Variants in TANGO6 observed in about 807,000 individuals in gnomAD.
The protein encoded by TANGO6 is transport and golgi organization 6 homolog.
Under a neutral mutation model 114.2 loss-of-function variants are expected in TANGO6, and 90 were observed. The ratio of observed to expected loss-of-function variants is 0.79; its 90% CI spans 0.66 to 0.94. The LOEUF is 0.94. Ranked by LOEUF, TANGO6 falls within the 40% of genes least tolerant of loss-of-function variation. The pLI, the probability that TANGO6 is intolerant of heterozygous loss-of-function variation, is 0.00. For synonymous variants in TANGO6, 477 were observed against 509.8 expected (o/e 0.94, Z 0.87); for missense variants, 1,274 against 1,315.3 (o/e 0.97, Z 0.49).
intron 14 of TANGO6, among the ~76,000 whole-genome samples, chr16:68,953,084 T>G (rs1963489465): frequency 6.7e-6 from 1 of 148,420 alleles, no homozygotes; most frequent in African/African-American, 2.5e-5. Context: ...ATTATTATTA[T>G]TATTATTTTG....
chr16:69,038,302 C>T (rs186969893), intron 16 of TANGO6, among the ~76,000 whole-genome samples: 8 of 152,132 alleles, frequency 5.3e-5, no homozygotes, highest in Admixed American at 2.0e-4. Context: ...TGGTGACACG[C>T]GCCTGTAGTC....
chr16:68,897,647 C>T (rs572249629), intron 7 of TANGO6, among the ~76,000 whole-genome samples: 1 of 150,438 alleles, frequency 6.6e-6, no homozygotes. Context: ...GGCATGATCT[C>T]GGCTCACTGC....
At chr16:68,950,291 C>A (rs997052108) in intron 14 of TANGO6, among the ~76,000 whole-genome samples, 1 of 152,178 alleles carries the variant, frequency 6.6e-6, no homozygotes, top group Non-Finnish European at 1.5e-5. Context: ...AAAGGCCACA[C>A]GTGGTGGCTC....
At chr16:68,902,300 G>A in intron 8 of TANGO6, 28 bp from the exon 9 acceptor site, 1 of 1,591,422 alleles carries the variant, frequency 6.3e-7, no homozygotes, top group Non-Finnish European at 8.5e-7. Flanking sequence ...AAGATGACAA[G>A]CTCATTCATA....
intron 15 of TANGO6, among the ~76,000 whole-genome samples, chr16:68,993,833 ATAAGTTACCACAAACCTAGAAT>A (rs1963967118): frequency 6.6e-6 from 1 of 152,226 alleles, no homozygotes; most frequent in Non-Finnish European, 1.5e-5. Context: ...AGTTTTTAAA[ATAAGTTACCACAAACCTAGAAT>A]TTTTCCTTCC....
chr16:69,069,988 C>T (rs1055452681), intron 17 of TANGO6, among the ~76,000 whole-genome samples: 1 of 144,366 alleles, frequency 6.9e-6, no homozygotes, highest in South Asian at 2.2e-4. Flanking sequence ...GGGCAGATCA[C>T]ATGAGGTCAG....
intron 15 of TANGO6, among the ~76,000 whole-genome samples, chr16:68,984,483 C>G (rs1376983900): frequency 6.6e-6 from 1 of 151,712 alleles, no homozygotes; most frequent in African/African-American, 2.4e-5. Context: ...AGGGAAAAGT[C>G]TATAGATTGA....
chr16:68,954,659 T>C (rs962696476), intron 14 of TANGO6, among the ~76,000 whole-genome samples: 8 of 152,250 alleles, frequency 5.3e-5, no homozygotes, highest in Non-Finnish European at 8.8e-5. Flanking sequence ...TCCTTAAGCC[T>C]ACTTTCATAA....
intron 14 of TANGO6, chr16:68,973,146 A>G (rs1169763464): frequency 2.2e-6 from 1 of 456,054 alleles, no homozygotes; most frequent in Non-Finnish European, 4.4e-6. Context: ...TGAAAAAGGT[A>G]GAAGCAGGGA....
intron 12 of TANGO6, among the ~76,000 whole-genome samples, chr16:68,921,109 ACT>A (rs1567540173): frequency 7.9e-6 from 1 of 127,184 alleles, no homozygotes; most frequent in Non-Finnish European, 1.6e-5. Context: ...ACAGAGCGAG[ACT>A]CTGTCTCAAA....
At chr16:69,022,255 T>C (rs1198804058) in intron 15 of TANGO6, among the ~76,000 whole-genome samples, 2 of 152,200 alleles carry the variant, frequency 1.3e-5, no homozygotes, top group Non-Finnish European at 2.9e-5. Flanking sequence ...CTATGGGGAA[T>C]ATCTTCACAT....
intron 8 of TANGO6, 81 bp from the exon 9 acceptor site, chr16:68,902,247 C>CCATT: frequency 7.2e-7 from 1 of 1,381,118 alleles, no homozygotes; most frequent in Non-Finnish European, 9.8e-7. Flanking sequence ...AACCTGACAG[C>CCATT]CTTTCTTTCT....
intron 16 of TANGO6, among the ~76,000 whole-genome samples, chr16:69,030,457 G>A (rs1009850788): frequency 6.6e-6 from 1 of 152,148 alleles, no homozygotes; most frequent in African/African-American, 2.4e-5. Flanking sequence ...TTTCAGCAGA[G>A]GGAGCAGCTG....
chr16:69,022,196 A>T (rs1020675808), intron 15 of TANGO6, among the ~76,000 whole-genome samples: 2 of 151,830 alleles, frequency 1.3e-5, no homozygotes, highest in Non-Finnish European at 2.9e-5. Context: ...GTGTATGTAA[A>T]TTTTTTAAGT....
At position 68,875,341 on chromosome 16, in the gene TANGO6, A is replaced by G. The variant is rs546000357; in HGVS notation, c.1131+51A>G. 1.8e-5 allele frequency: 29 copies of G among 1,585,868 alleles called. No individual in the cohort carries two copies. In the African/African-American group the frequency reaches 3.0e-4, roughly 16 times the overall value. On this transcript the variant is annotated intron_variant, in intron 5 of 17. Transcript: ENST00000261778. ...ATTTGAGGATTATCTGCTTATTTACAGAAAGAGGACTTTTAATGTTCCTCT... is the reference window on the plus strand; with the variant it reads ...ATTTGAGGATTATCTGCTTATTTACGGAAAGAGGACTTTTAATGTTCCTCT...
At position 68,975,383 on chromosome 16, in the gene TANGO6, G is replaced by A. The variant is rs564321320; in HGVS notation, c.2842+1215G>A. Among the ~76,000 whole-genome samples, 5 of 151,476 alleles carry A rather than the reference G, an allele frequency of 3.3e-5. No homozygotes were observed. In the South Asian group the frequency reaches 6.3e-4, roughly 19 times the overall value. ...GCCTCACTTCAAATCCTGAACTGCC[G>A]CGCTTTTTTTTTTTTCATGGTAGAG... On this transcript the variant is annotated intron_variant, in intron 15 of 17. Transcript: ENST00000261778.
chr16:68,919,839 T>C (rs542336856), intron 12 of TANGO6, among the ~76,000 whole-genome samples: 63 of 152,062 alleles, frequency 4.1e-4, no homozygotes, highest in Admixed American at 6.6e-4. Flanking sequence ...GTGAGGAGTT[T>C]GAGACCAGCC....
chr16:68,874,290 T>G (rs1003249762), intron 4 of TANGO6, among the ~76,000 whole-genome samples: 1 of 152,192 alleles, frequency 6.6e-6, no homozygotes, highest in African/African-American at 2.4e-5. Flanking sequence ...CAGGCTTCAT[T>G]TGGGCTGCTA....
chr16:68,871,770 C>G (rs567144476), intron 4 of TANGO6, among the ~76,000 whole-genome samples: 2 of 152,272 alleles, frequency 1.3e-5, no homozygotes, highest in Admixed American at 6.5e-5. Context: ...CAGGCATGCG[C>G]CACCACACCC....
Sources: allele counts gnomAD v4.1 joint callset (sites outside exome capture counted in the v4.1 genomes callset), GRCh38; gene constraint gnomAD v4.1.1; transcripts MANE v1.5; gene names NCBI Gene and HGNC (gene_info 2026-07-23, HGNC 2026-07-21).